Variants in DNASE2 observed in about 807,000 individuals in gnomAD.
DNASE2 encodes deoxyribonuclease-2-alpha.
DNASE2 carries 26 observed loss-of-function variants against 29.8 expected under a neutral mutation model. The observed-to-expected ratio is 0.87, with a 90% confidence interval of 0.64 to 1.21. The LOEUF (loss-of-function observed/expected upper bound fraction) is 1.21, where lower values mean the gene tolerates loss of function less well. Ranked by LOEUF, DNASE2 falls within the 50% of genes most tolerant of loss-of-function variation. The probability of loss-of-function intolerance (pLI) is 0.00; values close to 1 mark genes in which losing one functional copy is unlikely to be tolerated. For missense variants in DNASE2, 415 were observed against 455.6 expected (o/e 0.91, Z 0.81); for synonymous variants, 186 against 193.5 (o/e 0.96, Z 0.32).
At chr19:12,878,613 G>A (rs754190671) in intron 4 of DNASE2, 34 bp from the exon 5 acceptor site, 13 of 1,613,712 alleles carry the variant, frequency 8.1e-6, no homozygotes, top group African/African-American at 4.0e-5. Context: ...ATGCAAGATC[G>A]TTCCAGGTTC....
chr19:12,876,409 G>A lies in DNASE2; in HGVS notation c.710-46C>T, dbSNP rs756718944. The A allele has an allele frequency of 1.3e-5, 20 of 1,599,078 alleles. No homozygotes were observed. In the South Asian group the frequency reaches 1.8e-4, roughly 14 times the overall value. On this transcript the variant is annotated intron_variant, in intron 5 of 5. Coordinates refer to ENST00000222219, the MANE Select transcript of DNASE2 (RefSeq NM_001375.3). Reference sequence around the variant, plus strand: ...GCACAGGTAGGGTCAGGGCCACTGCGAGGGAGTCCCTAGTCCACTTCCCCT... The same window carrying A: ...GCACAGGTAGGGTCAGGGCCACTGCAAGGGAGTCCCTAGTCCACTTCCCCT...
In DNASE2 at chr19:12,875,701, GC is replaced by G. The variant is rs905113202; in HGVS notation, c.*288del. The G allele has an allele frequency of 2.5e-5, 5 of 197,874 alleles. No individual in the cohort carries two copies. The highest frequency in any genetic ancestry group is 1.2e-4 in the African/African-American group (4 of 33,064). The allele number at this position is 197,874 out of a possible 1,614,324, so 12.3% of individuals were successfully genotyped here. On this transcript the variant is annotated 3_prime_UTR_variant, in exon 6 of 6. Coordinates refer to ENST00000222219, the MANE Select transcript of DNASE2 (RefSeq NM_001375.3). ...GAGCCACTGCACCCACCCGTCCCCC[GC>G]CCCCCCTTTTTTTTTGAAACAGAGT...
rs750136848 is a variant in DNASE2 at position 12,880,885 on chromosome 19, G to A, written c.268-5C>T. 6.2e-7 allele frequency: 1 copy of A among 1,614,058 alleles called. No individual in the cohort carries two copies. Among genetic ancestry groups the A allele is most frequent in the Non-Finnish European group, 8.5e-7 (1 of 1,180,056 alleles). The stretch of plus-strand genomic sequence containing the variant: ...ATTGTAGAGCAGGAAGGCGAGCTGC[G>A]GGCGGATAAACGGAGGCAACGTGAA... On this transcript the variant is annotated splice_region_variant and splice_polypyrimidine_tract_variant and intron_variant, in intron 2 of 5. Transcript: ENST00000222219.
intron 5 of DNASE2, chr19:12,878,056 C>T: frequency 5.3e-6 from 2 of 377,722 alleles, no homozygotes; most frequent in Non-Finnish European, 1.0e-5. Flanking sequence ...TTCAAATGAT[C>T]CTCCTGCCTC....
At chr19:12,876,484 G>C (rs1227550808) in intron 5 of DNASE2, 121 bp from the exon 6 acceptor site, 2 of 1,346,586 alleles carry the variant, frequency 1.5e-6, no homozygotes, top group East Asian at 2.5e-5. Context: ...TTTTGACATG[G>C]AGTCTTGCTC....
At chr19:12,877,904 GGA>G (rs1402392022) in intron 5 of DNASE2, 2 of 252,174 alleles carry the variant, frequency 7.9e-6, no homozygotes, top group Non-Finnish European at 1.6e-5. Context: ...GGAGTGCAGT[GGA>G]GTCATTATAG....
chr19:12,881,436 C>T lies in DNASE2; in HGVS notation c.-61G>A. On this transcript the variant is annotated 5_prime_UTR_variant, in exon 1 of 6. Transcript: ENST00000222219. ...GGGACTGCGGGGCGCTGGGTTACAT[C>T]AGAGGCCAGGACTGGCACCTGGCGC... is the stretch of plus-strand genomic sequence containing the variant. The T allele has an allele frequency of 1.3e-6, 2 of 1,545,288 alleles. No individual in the cohort carries two copies. The highest frequency in any genetic ancestry group is 1.7e-6 in the Non-Finnish European group (2 of 1,144,982).
At chr19:12,876,445 A>G in intron 5 of DNASE2, 82 bp from the exon 6 acceptor site, 1 of 1,464,476 alleles carries the variant, frequency 6.8e-7, no homozygotes, top group Non-Finnish European at 9.0e-7. Flanking sequence ...CTCTCAGCTC[A>G]GTTTCCATAT....
intron 3 of DNASE2, among the ~76,000 whole-genome samples, chr19:12,879,795 GC>G (rs1970360345): frequency 6.6e-6 from 1 of 151,968 alleles, no homozygotes; most frequent in Non-Finnish European, 1.5e-5. Flanking sequence ...CATGGCAAAA[GC>G]CCACTCTACA....
Position 12,875,891 on chromosome 19 carries a change from C to T in DNASE2, c.*99G>A. On this transcript the variant is annotated 3_prime_UTR_variant, in exon 6 of 6. Coordinates refer to ENST00000222219, the MANE Select transcript of DNASE2 (RefSeq NM_001375.3). ...AGAGATGTGGTCTCACTATGTAGCC[C>T]AGGCTGGTCTCGAATTCCTGAGTTC... 2 of 1,506,734 alleles carry T rather than the reference C, an allele frequency of 1.3e-6. No individual in the cohort carries two copies. The highest frequency in any genetic ancestry group is 1.2e-5 in the South Asian group (1 of 84,624). 93.3% of individuals were successfully genotyped at this position (1,506,734 alleles called of 1,614,324 possible). A position where few individuals can be genotyped will look rare whatever the true frequency, so the allele number is the denominator to read the frequency against.
Position 12,875,268 on chromosome 19 carries a change from A to C in DNASE2, c.*722T>G. 3.9e-6 allele frequency: 1 copy of C among 257,868 alleles called. No homozygotes were observed. The highest frequency in any genetic ancestry group is 7.7e-6 in the Non-Finnish European group (1 of 129,450). The allele number at this position is 257,868 out of a possible 1,614,324, so 16.0% of individuals were successfully genotyped here. ...CCTGATGGCAGGTATTATGTTTCCC[A>C]TTTTGCAGACAGGTAGACTGTGTCA... is the stretch of plus-strand genomic sequence containing the variant. On this transcript the variant is annotated 3_prime_UTR_variant, in exon 6 of 6. Transcript: ENST00000222219.
intron 3 of DNASE2, 77 bp from the exon 4 acceptor site, chr19:12,878,911 G>A (rs758143808): frequency 6.6e-7 from 1 of 1,522,412 alleles, no homozygotes; most frequent in Non-Finnish European, 8.9e-7. Flanking sequence ...GGGAGACCGA[G>A]ACACACAGAT....
chr19:12,875,516 C>G lies in DNASE2; in HGVS notation c.*474G>C, dbSNP rs926222302. 1 of 165,444 alleles carries G rather than the reference C, an allele frequency of 6.0e-6. No homozygotes were observed. The highest frequency in any genetic ancestry group is 1.3e-5 in the Non-Finnish European group (1 of 75,596). 10.2% of individuals were successfully genotyped at this position (165,444 alleles called of 1,614,324 possible). On this transcript the variant is annotated 3_prime_UTR_variant, in exon 6 of 6. Coordinates refer to ENST00000222219, the MANE Select transcript of DNASE2 (RefSeq NM_001375.3). ...AAGCGATTCTCCTGCCTCAGCCTCC[C>G]GAGGAGCTAGGACCACAGACGCGTG...
chr19:12,877,647 G>A lies in DNASE2; in HGVS notation c.709+735C>T, dbSNP rs750988901. 4.7e-5 allele frequency among the ~76,000 whole-genome samples: 7 copies of A among 149,990 alleles called. No homozygotes were observed. In the East Asian group the frequency reaches 5.9e-4, roughly 13 times the overall value. ...TGCAAGCTCCACCTTCCGGGTTCAC[G>A]CCATTCTCCTGCCTCAGCCTCCCGA... On this transcript the variant is annotated intron_variant, in intron 5 of 5. Coordinates refer to ENST00000222219, the MANE Select transcript of DNASE2 (RefSeq NM_001375.3).
At chr19:12,879,711 C>T (rs1482695387) in intron 3 of DNASE2, among the ~76,000 whole-genome samples, 1 of 152,126 alleles carries the variant, frequency 6.6e-6, no homozygotes, top group Non-Finnish European at 1.5e-5. Flanking sequence ...CGGCTCATGC[C>T]GGTAATCGCA....
Position 12,881,422 on chromosome 19 carries a change from G to A in DNASE2, c.-47C>T. 2 of 1,547,300 alleles carry A rather than the reference G, an allele frequency of 1.3e-6. No individual in the cohort carries two copies. Among genetic ancestry groups the A allele is most frequent in the Non-Finnish European group, 8.7e-7 (1 of 1,146,192 alleles). On this transcript the variant is annotated 5_prime_UTR_variant, in exon 1 of 6. Transcript: ENST00000222219. ...CAGGAATCTGTGTCGGGACTGCGGG[G>A]CGCTGGGTTACATCAGAGGCCAGGA...
At chr19:12,878,903 G>A (rs1446435975) in intron 3 of DNASE2, 69 bp from the exon 4 acceptor site, 1 of 1,543,846 alleles carries the variant, frequency 6.5e-7, no homozygotes, top group Non-Finnish European at 8.8e-7. Flanking sequence ...AGCACTTTGG[G>A]AGACCGAGAC....
chr19:12,876,791 T>C (rs10404876), intron 5 of DNASE2, among the ~76,000 whole-genome samples: 52,145 of 151,508 alleles, frequency 0.34, 9,555 homozygotes, highest in East Asian at 0.63. Context: ...CAATTCCCAG[T>C]CCTGGGAATG....
In DNASE2 at chr19:12,875,333, G is replaced by C. The variant is rs1001787344; in HGVS notation, c.*657C>G. On this transcript the variant is annotated 3_prime_UTR_variant, in exon 6 of 6. Transcript: ENST00000222219. The stretch of plus-strand genomic sequence containing the variant: ...CACACAATCAAGGTCATACAGCTAG[G>C]AAGGGGATGAACTGGGATTCAAAAT... 7.0e-5 allele frequency: 12 copies of C among 172,104 alleles called. No homozygotes were observed. The highest frequency in any genetic ancestry group is 2.9e-4 in the African/African-American group (12 of 41,978). The allele number at this position is 172,104 out of a possible 1,614,324, so 10.7% of individuals were successfully genotyped here.
Sources: allele counts gnomAD v4.1 joint callset (sites outside exome capture counted in the v4.1 genomes callset), GRCh38; gene constraint gnomAD v4.1.1; transcripts MANE v1.5; gene names NCBI Gene and HGNC (gene_info 2026-07-23, HGNC 2026-07-21).